CAPZA2: variants seen among roughly 807,000 people sequenced by gnomAD.
CAPZA2 encodes the protein F-actin-capping protein subunit alpha-2.
In CAPZA2, 13 loss-of-function variants were observed where a neutral mutation model predicts 44.0. That is an observed-to-expected ratio of 0.30 (90% CI 0.19 to 0.47). CAPZA2 has a LOEUF of 0.47. Among genes scored for constraint, CAPZA2 ranks in the 20% least tolerant of loss-of-function variants. The pLI is 1.00. For missense variants in CAPZA2, 244 were observed against 338.6 expected (o/e 0.72, Z 2.19); for synonymous variants, 94 against 108.2 (o/e 0.87, Z 0.81).
chr7:116,903,978 A>T (rs1562962472), intron 4 of CAPZA2, among the ~76,000 whole-genome samples, 199 bp from the exon 5 acceptor site: 1 of 152,192 alleles, frequency 6.6e-6, no homozygotes, highest in African/African-American at 2.4e-5. Context: ...TCTGATCTGC[A>T]CTGGATGAGA....
At position 116,920,310 on chromosome 7, in the gene CAPZA2, T is replaced by A. The variant is rs952654347; in HGVS notation, c.*2443T>A. ...GAAAGAAGAATGGAAACCCAGAGTA[T>A]CCTATAGCTCAGGGATGTAATTTTA... is the stretch of plus-strand genomic sequence containing the variant. On this transcript the variant is annotated 3_prime_UTR_variant, in exon 10 of 10. Coordinates refer to ENST00000361183, the MANE Select transcript of CAPZA2 (RefSeq NM_006136.3). 2.0e-5 allele frequency: 3 copies of A among 152,136 alleles called. No homozygotes were observed. The highest frequency in any genetic ancestry group is 3.9e-4 in the East Asian group (2 of 5,192). The allele number at this position is 152,136 out of a possible 1,614,324, so 9.4% of individuals were successfully genotyped here.
At chr7:116,864,436 C>T (rs1796456090) in intron 1 of CAPZA2, among the ~76,000 whole-genome samples, 1 of 152,092 alleles carries the variant, frequency 6.6e-6, no homozygotes, top group Admixed American at 6.6e-5. Flanking sequence ...CGCCTAGTAG[C>T]AAAATGTTTT....
rs1376840837 is a variant in CAPZA2, at chr7:116,904,154, C to A, written c.220-23C>A. ...GAAATGCTGTTTTTTTATTTTTTTT[C>A]TAAATTCATTCCATCATCAAAGGTA... On this transcript the variant is annotated intron_variant, in intron 4 of 9. Coordinates refer to ENST00000361183, the MANE Select transcript of CAPZA2 (RefSeq NM_006136.3). 3.4e-6 allele frequency: 5 copies of A among 1,453,914 alleles called. No homozygotes were observed. In the East Asian group the frequency reaches 1.1e-4, roughly 33 times the overall value. 90.1% of individuals were successfully genotyped at this position (1,453,914 alleles called of 1,614,324 possible).
At chr7:116,879,504 G>A (rs1218622875) in intron 1 of CAPZA2, among the ~76,000 whole-genome samples, 1 of 152,116 alleles carries the variant, frequency 6.6e-6, no homozygotes, top group Admixed American at 6.5e-5. Flanking sequence ...GAATGTTTTG[G>A]GATGAAACTT....
chr7:116,865,143 A>C (rs192026666), intron 1 of CAPZA2, among the ~76,000 whole-genome samples: 2 of 149,026 alleles, frequency 1.3e-5, no homozygotes, highest in African/African-American at 2.5e-5. Flanking sequence ...TCTTAGTCCA[A>C]CGTTGATGTT....
At chr7:116,869,276 C>G (rs1255753778) in intron 1 of CAPZA2, among the ~76,000 whole-genome samples, 1 of 152,068 alleles carries the variant, frequency 6.6e-6, no homozygotes, top group Non-Finnish European at 1.5e-5. Context: ...ATGGCTGTTT[C>G]AAAAAAGAAT....
intron 8 of CAPZA2, among the ~76,000 whole-genome samples, chr7:116,915,187 C>T (rs952876372): frequency 1.3e-5 from 2 of 151,956 alleles, no homozygotes; most frequent in African/African-American, 4.8e-5. Context: ...CCTATAGTTC[C>T]AGCTATTTGG....
intron 1 of CAPZA2, chr7:116,876,260 A>AC (rs1412033387): frequency 6.5e-6 from 1 of 152,832 alleles, no homozygotes; most frequent in African/African-American, 2.4e-5. Flanking sequence ...AAAAAAAAAA[A>AC]AAAAAAAGTT....
chr7:116,915,808 C>T, intron 8 of CAPZA2: 2 of 238,132 alleles, frequency 8.4e-6, no homozygotes, highest in Non-Finnish European at 8.1e-6. Context: ...ACTTTTCATC[C>T]ATGTGTGTAT....
intron 4 of CAPZA2, among the ~76,000 whole-genome samples, chr7:116,901,208 A>G (rs1484847503): frequency 6.6e-6 from 1 of 152,146 alleles, no homozygotes; most frequent in Non-Finnish European, 1.5e-5. Context: ...ACATGCTCAC[A>G]TATGTTCATT....
chr7:116,890,424 G>T (rs1158960973), intron 2 of CAPZA2, among the ~76,000 whole-genome samples: 1 of 148,118 alleles, frequency 6.8e-6, no homozygotes, highest in Non-Finnish European at 1.5e-5. Context: ...TAATGCCAGC[G>T]CTTTGGGAGG....
At chr7:116,873,195 TA>T (rs1796573012) in intron 1 of CAPZA2, among the ~76,000 whole-genome samples, 1 of 152,224 alleles carries the variant, frequency 6.6e-6, no homozygotes. Context: ...GAGTCATTTT[TA>T]GTATAGCTAT....
chr7:116,891,975 C>T (rs1192239140), intron 2 of CAPZA2, among the ~76,000 whole-genome samples: 3 of 152,166 alleles, frequency 2.0e-5, no homozygotes, highest in Admixed American at 6.5e-5. Context: ...AAAATTCTAC[C>T]TTCCAGTTCC....
At chr7:116,908,306 G>A (rs1389490499) in intron 6 of CAPZA2, among the ~76,000 whole-genome samples, 1 of 151,952 alleles carries the variant, frequency 6.6e-6, no homozygotes, top group African/African-American at 2.4e-5. Context: ...CTAAAATATA[G>A]GTAGAGTAAA....
intron 1 of CAPZA2, among the ~76,000 whole-genome samples, chr7:116,866,931 G>A (rs1006660910): frequency 1.3e-5 from 2 of 152,080 alleles, no homozygotes; most frequent in African/African-American, 4.8e-5. Flanking sequence ...TCACACAAAG[G>A]GGGGTATAAT....
intron 4 of CAPZA2, among the ~76,000 whole-genome samples, chr7:116,902,574 A>G (rs1797010537): frequency 6.6e-6 from 1 of 152,198 alleles, no homozygotes; most frequent in Non-Finnish European, 1.5e-5. Context: ...ACTCTCATAT[A>G]TGTGTAGAAA....
At chr7:116,889,835 A>G (rs1156676144) in intron 2 of CAPZA2, among the ~76,000 whole-genome samples, 2 of 152,254 alleles carry the variant, frequency 1.3e-5, no homozygotes, top group Non-Finnish European at 2.9e-5. Context: ...GCTGTTTAAT[A>G]TAACTACAAA....
intron 1 of CAPZA2, among the ~76,000 whole-genome samples, chr7:116,878,156 A>G (rs1204350283): frequency 6.6e-6 from 1 of 152,252 alleles, no homozygotes; most frequent in Non-Finnish European, 1.5e-5. Context: ...TTATAGTTAG[A>G]AAAAGGATAG....
At chr7:116,911,885 AC>A (rs60708027) in intron 7 of CAPZA2, among the ~76,000 whole-genome samples, 183 bp from the exon 8 acceptor site, 4,128 of 152,266 alleles carry the variant, frequency 0.027, 179 homozygotes, top group African/African-American at 0.09. Context: ...AATATCTCTA[AC>A]TAGTCTCCTC....
Sources: gnomAD v4.1 joint callset for allele counts (sites outside exome capture counted in the v4.1 genomes callset) on GRCh38, gnomAD v4.1.1 for gene constraint, MANE v1.5 for transcripts, NCBI Gene and HGNC (gene_info 2026-07-23, HGNC 2026-07-21) for gene names.